PHKG1: variants seen among roughly 807,000 people sequenced by gnomAD.
PHKG1 encodes phosphorylase b kinase gamma catalytic chain, skeletal muscle/heart isoform.
In PHKG1, 48 loss-of-function variants were observed where a neutral mutation model predicts 50.5. That is an observed-to-expected ratio of 0.95 (90% CI 0.75 to 1.21). PHKG1 has a LOEUF of 1.21. PHKG1 is among the 50% of genes most tolerant of loss of function. PHKG1 has a pLI of 0.00. For synonymous variants in PHKG1, 204 were observed against 212.8 expected, an observed-to-expected ratio of 0.96 and a Z score of 0.36; for missense variants, 487 against 519.5, an observed-to-expected ratio of 0.94 and a Z score of 0.61.
At chr7:56,083,163 A>C in intron 6 of PHKG1, 115 bp downstream of exon 6, 1 of 928,176 alleles carries the variant, frequency 1.1e-6, no homozygotes, top group Non-Finnish European at 1.6e-6. Context: ...GAAATGGTGG[A>C]ATTTTTATTC....
At chr7:56,083,585 A>AC in intron 5 of PHKG1, 65 bp downstream of exon 5, 1 of 1,500,598 alleles carries the variant, frequency 6.7e-7, no homozygotes, top group South Asian at 1.2e-5. Context: ...CTCCCCTGAG[A>AC]CCCCAGTGCC....
chr7:56,083,829 C>A (rs1796137012), intron 4 of PHKG1, 114 bp from the exon 5 acceptor site: 1 of 748,820 alleles, frequency 1.3e-6, no homozygotes, highest in South Asian at 1.5e-5. Context: ...GTGGGCCACT[C>A]TCCGTGGAGA....
rs1795979367 is a variant in PHKG1, at chr7:56,081,374, C to A, written c.919-75G>T. On this transcript the variant is annotated intron_variant, in intron 9 of 9. Coordinates refer to ENST00000297373, the MANE Select transcript of PHKG1 (RefSeq NM_006213.5). This position sits in a 1 kb window ranked among gnomAD's most constrained non-coding sequence, Gnocchi z 4.6. ...CCTGCCCCTCCAGCACAGGGACGCT[C>A]TGGGCTCGTTTGCCACGAAGCCTTG... The A allele has an allele frequency of 1.3e-6, 2 of 1,514,418 alleles. No homozygotes were observed. Among genetic ancestry groups the A allele is most frequent in the East Asian group, 2.4e-5 (1 of 41,826 alleles). The allele number at this position is 1,514,418 out of a possible 1,614,324, so 93.8% of individuals were successfully genotyped here. A position where few individuals can be genotyped will look rare whatever the true frequency, so the allele number is the denominator to read the frequency against.
At chr7:56,085,167 C>T (rs951023294) in intron 4 of PHKG1, among the ~76,000 whole-genome samples, 1 of 152,134 alleles carries the variant, frequency 6.6e-6, no homozygotes, top group Non-Finnish European at 1.5e-5. Context: ...TGCCATGTTG[C>T]CCAGGCTGGT....
Position 56,080,980 on chromosome 7 carries a change from TC to T in PHKG1, c.*73del. On this transcript the variant is annotated 3_prime_UTR_variant, in exon 10 of 10. Transcript: ENST00000297373. ...CCTTCTGCAGAGGCCTGCACGCATC[TC>T]ACCCCTTTGACTTGTATTTCCATGG... 1 of 1,561,232 alleles carries T rather than the reference TC, an allele frequency of 6.4e-7. No individual in the cohort carries two copies. Among genetic ancestry groups the T allele is most frequent in the Non-Finnish European group, 8.7e-7 (1 of 1,147,108 alleles).
rs1187036234 is a variant in PHKG1, at chr7:56,083,681, C to T, written c.352G>A (p.Glu118Lys). 9 of 1,585,850 alleles carry T rather than the reference C, an allele frequency of 5.7e-6. No homozygotes were observed. The highest frequency in any genetic ancestry group is 7.7e-6 in the Non-Finnish European group (9 of 1,163,246). The change falls in exon 5 of 10, where the codon GAG becomes AAG. Residue 118 changes from glutamate (E) to lysine (K), a missense_variant. By Grantham distance (56) the Glu-to-Lys change is moderately conservative. Coordinates refer to ENST00000297373, the MANE Select transcript of PHKG1 (RefSeq NM_006213.5). Reference sequence around the variant, plus strand: ...TCCTTCTCACTCAAGGTGACCTTCTCAGTGAGGTAGTCAAAGAGCTCCCCT... The same window carrying T: ...TCCTTCTCACTCAAGGTGACCTTCTTAGTGAGGTAGTCAAAGAGCTCCCCT... ...KRGELFDYLT[E>K]KVTLSEKETR...
At position 56,081,662 on chromosome 7, in the gene PHKG1, C is replaced by T. The variant is rs1471857825; in HGVS notation, c.886G>A (p.Val296Met). The T allele has an allele frequency of 3.1e-6, 5 of 1,613,850 alleles. No homozygotes were observed. Among genetic ancestry groups the T allele is most frequent in the East Asian group, 2.2e-5 (1 of 44,876 alleles). Reference sequence around the variant, plus strand: ...TTCCCCCGGGGGCTGAAGTGCCGCACTTCCTCCACCAAGTACTGCTGGAAG... The same window carrying T: ...TTCCCCCGGGGGCTGAAGTGCCGCATTTCCTCCACCAAGTACTGCTGGAAG... ...PFFQQYLVEE[V>M]RHFSPRGKFK... Residue 296 changes from valine (V) to methionine (M), a missense_variant, in exon 9 of 10, where the codon GTG becomes ATG. Coordinates refer to ENST00000297373, the MANE Select transcript of PHKG1 (RefSeq NM_006213.5). The surrounding 1 kb of genome is among the most constrained non-coding windows in gnomAD (Gnocchi z 4.6).
intron 1 of PHKG1, among the ~76,000 whole-genome samples, chr7:56,090,019 T>A (rs1474890951): frequency 6.6e-6 from 1 of 152,192 alleles, no homozygotes; most frequent in Non-Finnish European, 1.5e-5. Context: ...CCCCTTGTTG[T>A]GACTGTGTTC....
chr7:56,088,067 G>A (rs576776074), intron 2 of PHKG1, among the ~76,000 whole-genome samples: 37 of 117,250 alleles, frequency 3.2e-4, no homozygotes, highest in African/African-American at 1.2e-3. Flanking sequence ...ACGGAGTCTC[G>A]CTCTATTGCC....
intron 5 of PHKG1, 72 bp from the exon 6 acceptor site, chr7:56,083,513 C>T (rs1423825671): frequency 3.8e-6 from 6 of 1,568,502 alleles, no homozygotes; most frequent in African/African-American, 1.3e-5. Context: ...ACACAGCTCA[C>T]ATTTCAGCCA....
At position 56,087,041 on chromosome 7, in the gene PHKG1, T is replaced by C. The variant is rs1313845959; in HGVS notation, c.263-17A>G. 2 of 1,609,608 alleles carry C rather than the reference T, an allele frequency of 1.2e-6. No homozygotes were observed. The highest frequency in any genetic ancestry group is 1.7e-6 in the Non-Finnish European group (2 of 1,176,440). Reference sequence around the variant, plus strand: ...TCAGCTGTACTGAAATGGAAATGGCTAGCTTGTCTCAAGTAGCAGGGGAGC... The same window carrying C: ...TCAGCTGTACTGAAATGGAAATGGCCAGCTTGTCTCAAGTAGCAGGGGAGC... On this transcript the variant is annotated splice_polypyrimidine_tract_variant and intron_variant, in intron 3 of 9. Coordinates refer to ENST00000297373, the MANE Select transcript of PHKG1 (RefSeq NM_006213.5).
chr7:56,091,299 G>A (rs1584634798), intron 1 of PHKG1, among the ~76,000 whole-genome samples: 1 of 152,088 alleles, frequency 6.6e-6, no homozygotes, highest in South Asian at 2.1e-4. Flanking sequence ...GGAGGATCAC[G>A]AGGTCAGGAG....
chr7:56,086,249 A>G (rs762554379), intron 4 of PHKG1, among the ~76,000 whole-genome samples: 1 of 151,962 alleles, frequency 6.6e-6, no homozygotes, highest in Non-Finnish European at 1.5e-5. Flanking sequence ...CCCCCAGTGG[A>G]TGCCTGAAAC....
intron 2 of PHKG1, among the ~76,000 whole-genome samples, chr7:56,088,294 C>G (rs1796353024): frequency 1.3e-5 from 2 of 151,754 alleles, no homozygotes; most frequent in African/African-American, 4.8e-5. Context: ...CTTGGCCTCC[C>G]TGGTATTGCA....
intron 6 of PHKG1, 44 bp from the exon 7 acceptor site, chr7:56,082,297 G>T: frequency 1.3e-6 from 2 of 1,491,060 alleles, no homozygotes; most frequent in Non-Finnish European, 1.9e-6. Flanking sequence ...AGGGCACTCA[G>T]AAGAGGAAGT....
At position 56,091,343 on chromosome 7, in the gene PHKG1, T is replaced by G. The variant is rs1239735089; in HGVS notation, c.-35+1493A>C. Among the ~76,000 whole-genome samples, 82 of 151,982 alleles carry G rather than the reference T, an allele frequency of 5.4e-4. 1 individual carries two copies. The highest frequency in any genetic ancestry group is 1.3e-4 in the Non-Finnish European group (9 of 67,956). ...CATCCTGGCTAACACGGTGAAACCC[T>G]GTTTCTACTAAAAAATACAAAAAAT... On this transcript the variant is annotated intron_variant, in intron 1 of 9. Coordinates refer to ENST00000297373, the MANE Select transcript of PHKG1 (RefSeq NM_006213.5).
chr7:56,083,295 G>C lies in PHKG1; in HGVS notation c.530C>G (p.Pro177Arg). ...TACCAGACCTCGCAGCCTCTCTCCCGGCTCCAGCTGGCAGGAAAAGCCAAA... is the reference window on the plus strand; with the variant it reads ...TACCAGACCTCGCAGCCTCTCTCCCCGCTCCAGCTGGCAGGAAAAGCCAAA... ...TDFGFSCQLEPGERLREVCGT... is the reference protein window; with the variant it reads ...TDFGFSCQLERGERLREVCGT... The change falls in exon 6 of 10, where the codon CCG (proline) becomes CGG (arginine). Residue 177 changes from proline to arginine, a missense_variant. Physicochemically the swap from Pro to Arg is moderately radical, Grantham distance 103. Transcript: ENST00000297373. The C allele has an allele frequency of 6.2e-7, 1 of 1,613,840 alleles. No individual in the cohort carries two copies. Among genetic ancestry groups the C allele is most frequent in the Non-Finnish European group, 8.5e-7 (1 of 1,179,886 alleles).
In PHKG1 at chr7:56,087,163, G is replaced by A. The variant is rs575867050; in HGVS notation, c.263-139C>T. The A allele has an allele frequency of 3.8e-4, 261 of 679,940 alleles. 3 individuals carry two copies. In the South Asian group the frequency reaches 4.1e-3, roughly 11 times the overall value. The allele number at this position is 679,940 out of a possible 1,614,324, so 42.1% of individuals were successfully genotyped here. On this transcript the variant is annotated intron_variant, in intron 3 of 9. Transcript: ENST00000297373. ...GGGAATCAGGAGGGTGCTCAAAGAC[G>A]TCAACCTGGGATGTGGGCAGGCCCA...
Position 56,083,680 on chromosome 7 carries a change from T to C in PHKG1, c.353A>G (p.Glu118Gly). 1.3e-6 allele frequency: 2 copies of C among 1,586,036 alleles called. No homozygotes were observed. The highest frequency in any genetic ancestry group is 1.7e-6 in the Non-Finnish European group (2 of 1,163,368). The stretch of plus-strand genomic sequence containing the variant: ...TTCCTTCTCACTCAAGGTGACCTTC[T>C]CAGTGAGGTAGTCAAAGAGCTCCCC... ...KRGELFDYLTEKVTLSEKETR... is the reference protein window; with the variant it reads ...KRGELFDYLTGKVTLSEKETR... The change falls in exon 5 of 10, where the codon GAG (glutamate) becomes GGG (glycine). Residue 118 changes from glutamate to glycine, a missense_variant. By Grantham distance (98) the Glu-to-Gly change is moderately conservative (BLOSUM62 -2). Transcript: ENST00000297373.
Sources: allele counts gnomAD v4.1 joint callset (sites outside exome capture counted in the v4.1 genomes callset), GRCh38; gene constraint gnomAD v4.1.1; non-coding constraint Gnocchi (gnomAD v3.1); transcripts MANE v1.5; gene names NCBI Gene and HGNC (gene_info 2026-07-23, HGNC 2026-07-21).